Variants in LIMCH1 observed in about 807,000 individuals in gnomAD.
LIMCH1 encodes LIM and calponin homology domains-containing protein 1.
Under a neutral mutation model 176.5 loss-of-function variants are expected in LIMCH1, and 113 were observed. The observed-to-expected ratio is 0.64, with a 90% CI of 0.55 to 0.75. The LOEUF is 0.75. Ranked by LOEUF, LIMCH1 falls within the 30% of genes least tolerant of loss-of-function variation. The pLI, the probability that LIMCH1 is intolerant of heterozygous loss-of-function variation, is 0.00. For missense variants in LIMCH1, 1,674 were observed against 1,814.9 expected (o/e 0.92, Z 1.41); for synonymous variants, 619 against 645.9 (o/e 0.96, Z 0.63).
At chr4:41,540,152 T>C (rs2078431743) in intron 1 of LIMCH1, among the ~76,000 whole-genome samples, 1 of 152,286 alleles carries the variant, frequency 6.6e-6, no homozygotes. Flanking sequence ...TCTGTAAAAA[T>C]GGACATAATA....
intron 1 of LIMCH1, among the ~76,000 whole-genome samples, chr4:41,409,774 A>G (rs1201286409): frequency 6.6e-6 from 1 of 152,190 alleles, no homozygotes; most frequent in Non-Finnish European, 1.5e-5. Context: ...CAGCTGTACC[A>G]TAATTTGAAA....
At chr4:41,389,470 T>G (rs1279882126) in intron 1 of LIMCH1, 1 of 197,950 alleles carries the variant, frequency 5.1e-6, no homozygotes, top group Non-Finnish European at 1.1e-5. Flanking sequence ...CAGAGAACTC[T>G]CTGGAATCAT....
At chr4:41,692,193 T>G in intron 30 of LIMCH1, 89 bp from the exon 31 acceptor site, 1 of 789,088 alleles carries the variant, frequency 1.3e-6, no homozygotes, top group Non-Finnish European at 2.3e-6. Context: ...TAGAAGGGAT[T>G]ATTGTGCTAT....
At chr4:41,411,599 C>T (rs1005363270) in intron 1 of LIMCH1, among the ~76,000 whole-genome samples, 2 of 151,736 alleles carry the variant, frequency 1.3e-5, no homozygotes, top group South Asian at 2.1e-4. Flanking sequence ...GATTCATTGC[C>T]GGATTGATCG....
chr4:41,616,899 A>G (rs779257782), intron 5 of LIMCH1, among the ~76,000 whole-genome samples: 39 of 152,316 alleles, frequency 2.6e-4, no homozygotes, highest in Non-Finnish European at 4.9e-4. Context: ...CTCTAAATCC[A>G]TAAACCTATA....
chr4:41,611,479 G>C (rs2091405460), intron 4 of LIMCH1, among the ~76,000 whole-genome samples: 1 of 152,234 alleles, frequency 6.6e-6, no homozygotes, highest in Admixed American at 6.5e-5. Context: ...GTGTCTAGTA[G>C]TAGAGAAGAT....
rs147269360 is a variant in LIMCH1, at chr4:41,439,226, A to G, written c.97-55310A>G. ...TGGGGACATAATTGCAGTGTCCACTATAGGAAAAACACCAAGTGATTTCTA... is the reference window on the plus strand; with the variant it reads ...TGGGGACATAATTGCAGTGTCCACTGTAGGAAAAACACCAAGTGATTTCTA... On this transcript the variant is annotated intron_variant, in intron 1 of 26. Transcript: ENST00000313860. Among the ~76,000 whole-genome samples, 83 of 152,322 alleles carry G rather than the reference A, an allele frequency of 5.4e-4. 1 individual carries two copies. The highest frequency in any genetic ancestry group is 1.9e-3 in the African/African-American group (79 of 41,582).
At chr4:41,499,117 G>C (rs1374888188) in intron 2 of LIMCH1, among the ~76,000 whole-genome samples, 1 of 152,142 alleles carries the variant, frequency 6.6e-6, no homozygotes, top group Non-Finnish European at 1.5e-5. Context: ...TGCTATTTGG[G>C]TAAATTAAAT....
In LIMCH1 at chr4:41,644,612, G is replaced by C. The variant is rs570219833; in HGVS notation, c.2239G>C (p.Asp747His). 1.2e-6 allele frequency: 2 copies of C among 1,611,496 alleles called. No homozygotes were observed. The highest frequency in any genetic ancestry group is 1.7e-5 in the Admixed American group (1 of 59,670). The change falls in exon 15 of 32, where the codon GAC becomes CAC. Residue 747 changes from aspartate (D) to histidine (H), a missense_variant. By Grantham distance (81) the Asp-to-His change is moderately conservative. Around this residue, in one of 3 missense-constraint regions of LIMCH1, gnomAD observed 1,015 missense variants for 1,102.5 expected, o/e 0.92. Coordinates refer to ENST00000503057, the MANE Select transcript of LIMCH1 (RefSeq NM_001330672.2). ...AAATAACCAGCTGAGGGAAGAGGAC[G>C]ACAAATGGCAAGATGTGAGTTGTGG... ...LINNQLREED[D>H]KWQDDLARWK... is the part of the protein sequence containing the mutation.
chr4:41,602,590 G>C (rs192823251), intron 2 of LIMCH1, among the ~76,000 whole-genome samples: 4 of 151,930 alleles, frequency 2.6e-5, no homozygotes, highest in African/African-American at 9.7e-5. Flanking sequence ...AGGCCAAGGC[G>C]GGCAGATCAC....
intron 1 of LIMCH1, among the ~76,000 whole-genome samples, chr4:41,380,931 C>A (rs1196362641): frequency 6.6e-6 from 1 of 152,174 alleles, no homozygotes; most frequent in Non-Finnish European, 1.5e-5. Context: ...TTGACCACAG[C>A]TTCTTTAGGA....
chr4:41,488,638 T>C (rs1367793759), intron 1 of LIMCH1, among the ~76,000 whole-genome samples: 1 of 152,182 alleles, frequency 6.6e-6, no homozygotes. Context: ...ATTTTTTTTG[T>C]AACAAAAAGT....
At chr4:41,405,004 C>T (rs935030251) in intron 1 of LIMCH1, among the ~76,000 whole-genome samples, 5 of 151,850 alleles carry the variant, frequency 3.3e-5, no homozygotes, top group African/African-American at 9.7e-5. Context: ...TTTCTTTAAC[C>T]CATTTTTTCT....
chr4:41,440,781 C>T (rs368865405), intron 1 of LIMCH1, among the ~76,000 whole-genome samples: 3 of 152,332 alleles, frequency 2.0e-5, no homozygotes, highest in Admixed American at 6.5e-5. Context: ...GATCCACCTG[C>T]CTCTGCCTCT....
intron 1 of LIMCH1, among the ~76,000 whole-genome samples, chr4:41,470,342 G>C (rs1438597318): frequency 6.6e-6 from 1 of 152,126 alleles, no homozygotes; most frequent in Non-Finnish European, 1.5e-5. Context: ...CCCTGCTCGT[G>C]TGTAAGGCTA....
At chr4:41,657,585 A>T (rs373193228) in intron 18 of LIMCH1, among the ~76,000 whole-genome samples, 1 of 152,176 alleles carries the variant, frequency 6.6e-6, no homozygotes, top group Non-Finnish European at 1.5e-5. Context: ...TCTTTTTCTC[A>T]GTGTGTATAA....
At chr4:41,504,715 G>A (rs573632521) in intron 2 of LIMCH1, among the ~76,000 whole-genome samples, 66 of 152,194 alleles carry the variant, frequency 4.3e-4, no homozygotes, top group African/African-American at 1.6e-3. Context: ...TTATTCTCTG[G>A]TTTGCTTATC....
intron 1 of LIMCH1, among the ~76,000 whole-genome samples, chr4:41,472,392 CCT>C (rs534780362): frequency 1.0e-4 from 14 of 135,344 alleles, no homozygotes; most frequent in East Asian, 7.3e-4. Context: ...TTCCTTCATT[CCT>C]CTCTCTCTCT....
intron 1 of LIMCH1, among the ~76,000 whole-genome samples, chr4:41,569,957 T>G (rs765539227): frequency 4.6e-5 from 7 of 152,228 alleles, no homozygotes; most frequent in Non-Finnish European, 7.3e-5. Flanking sequence ...TTCTCTTTCA[T>G]GAGTAAATAG....
Sources: allele counts gnomAD v4.1 joint callset (sites outside exome capture counted in the v4.1 genomes callset), GRCh38; gene constraint gnomAD v4.1.1; regional missense constraint gnomAD v4.1.1; transcripts MANE v1.5; gene names NCBI Gene and HGNC (gene_info 2026-07-23, HGNC 2026-07-21).